The following WFDC10B variants were observed in gnomAD, a reference collection of about 807,000 sequenced individuals.
WFDC10B encodes protein WFDC10B.
Under a neutral mutation model 2.7 loss-of-function variants are expected in WFDC10B, and 1 was observed. That is an observed-to-expected ratio of 0.38 (90% CI 0.13 to 1.79). The LOEUF (loss-of-function observed/expected upper bound fraction) is 1.79, where lower values mean the gene tolerates loss of function less well. Among genes scored for constraint, WFDC10B ranks in the 40% most tolerant of loss-of-function variants. The pLI is 0.33. For missense variants in WFDC10B, 71 were observed against 87.8 expected (o/e 0.81, Z 0.76); for synonymous variants, 26 against 32.2 (o/e 0.81, Z 0.65).
rs367643481 is a variant in WFDC10B at position 45,704,509 on chromosome 20, C to A, written c.-77G>T. On this transcript the variant is annotated 5_prime_UTR_variant, in exon 2 of 4. Coordinates refer to ENST00000330523, the MANE Select transcript of WFDC10B (RefSeq NM_172006.2). Reference sequence around the variant, plus strand: ...AAACTGTACTCACCTGTGTACAATGCAGGAAGATTGCGAGAAAGGATTTCA... The same window carrying A: ...AAACTGTACTCACCTGTGTACAATGAAGGAAGATTGCGAGAAAGGATTTCA... 1 of 1,614,170 alleles carries A rather than the reference C, an allele frequency of 6.2e-7. No homozygotes were observed. The highest frequency in any genetic ancestry group is 8.5e-7 in the Non-Finnish European group (1 of 1,180,030).
Position 45,687,860 on chromosome 20 carries a change from T to TTTATTATTATTATTA in WFDC10B, c.-64-1819_-64-1805dup, listed in dbSNP as rs149834246. ...TTTAATGGGATTGCTTGTCTTTTCT[T>TTTATTATTATTATTA]TTATTATTATTATTATTATTATTAT... On this transcript the variant is annotated intron_variant, in intron 2 of 3. Transcript: ENST00000330523. 8.4e-3 allele frequency among the ~76,000 whole-genome samples: 1,227 copies of TTTATTATTATTATTA among 145,308 alleles called. 13 individuals are homozygous for TTTATTATTATTATTA. Among genetic ancestry groups the TTTATTATTATTATTA allele is most frequent in the African/African-American group, 0.027 (1,059 of 39,196 alleles).
chr20:45,703,252 G>C (rs775644251), intron 2 of WFDC10B, among the ~76,000 whole-genome samples: 1 of 152,178 alleles, frequency 6.6e-6, no homozygotes, highest in African/African-American at 2.4e-5. Flanking sequence ...GTGTGGATTA[G>C]TTCCAATTTC....
chr20:45,693,782 G>C (rs1460984424), intron 2 of WFDC10B, among the ~76,000 whole-genome samples: 2 of 152,280 alleles, frequency 1.3e-5, no homozygotes, highest in East Asian at 1.9e-4. Context: ...TGCGCTTCCC[G>C]AGTGAGGCAA....
chr20:45,692,261 C>T (rs561326604), intron 2 of WFDC10B, among the ~76,000 whole-genome samples: 1 of 151,926 alleles, frequency 6.6e-6, no homozygotes, highest in African/African-American at 2.4e-5. Context: ...CTCTGGCTGC[C>T]CTTAACATTT....
At chr20:45,697,742 CTTTTTTT>C (rs1162470530) in intron 2 of WFDC10B, among the ~76,000 whole-genome samples, 6 of 113,406 alleles carry the variant, frequency 5.3e-5, no homozygotes, top group Admixed American at 4.5e-4. Flanking sequence ...ATTTCTTTTT[CTTTTTTT>C]TTTTTTTTTT....
chr20:45,697,441 G>A (rs1984012225), intron 2 of WFDC10B, among the ~76,000 whole-genome samples: 1 of 144,652 alleles, frequency 6.9e-6, no homozygotes, highest in Non-Finnish European at 1.5e-5. Context: ...CTGGAGTGCA[G>A]TGGCATGATC....
intron 2 of WFDC10B, among the ~76,000 whole-genome samples, chr20:45,686,669 T>C (rs1407532865): frequency 6.6e-6 from 1 of 151,258 alleles, no homozygotes; most frequent in Non-Finnish European, 1.5e-5. Context: ...TATAAATTCT[T>C]CTTTTTTTTT....
At chr20:45,696,647 C>G (rs1337044917) in intron 2 of WFDC10B, among the ~76,000 whole-genome samples, 1 of 151,974 alleles carries the variant, frequency 6.6e-6, no homozygotes, top group Non-Finnish European at 1.5e-5. Context: ...ATTAGATAAC[C>G]TTGGATGAAA....
At chr20:45,685,787 G>T (rs2145633367) in intron 3 of WFDC10B, 115 bp downstream of exon 3, 1 of 1,484,768 alleles carries the variant, frequency 6.7e-7, no homozygotes, top group Admixed American at 2.0e-5. Context: ...CAGCATTGTG[G>T]TCAGAGCTGG....
At chr20:45,704,267 C>T (rs1042090449) in intron 2 of WFDC10B, among the ~76,000 whole-genome samples, 1 of 152,202 alleles carries the variant, frequency 6.6e-6, no homozygotes. Flanking sequence ...GCCCTGCTTC[C>T]CTGCTCAGAA....
At position 45,686,540 on chromosome 20, in the gene WFDC10B, G is replaced by T. The variant is rs6017647; in HGVS notation, c.-64-484C>A. On this transcript the variant is annotated intron_variant, in intron 2 of 3. Transcript: ENST00000330523. ...CAAAAAGAAAAGACATAATTTTTTT[G>T]GGGGGGGGCGGTGAACGTAGCTACA... Among the ~76,000 whole-genome samples, 803 of 81,936 alleles carry T rather than the reference G, an allele frequency of 9.8e-3. 7 individuals carry two copies. Among genetic ancestry groups the T allele is most frequent in the African/African-American group, 0.036 (600 of 16,676 alleles). The allele number at this position is 81,936 out of a possible 152,430, so 53.8% of individuals were successfully genotyped here.
chr20:45,696,770 C>G (rs1983991504), intron 2 of WFDC10B, among the ~76,000 whole-genome samples: 1 of 152,032 alleles, frequency 6.6e-6, no homozygotes, highest in Non-Finnish European at 1.5e-5. Context: ...TTGAAAAATA[C>G]ACATGACTCT....
chr20:45,695,786 G>A (rs1983957976), intron 2 of WFDC10B, among the ~76,000 whole-genome samples: 1 of 151,412 alleles, frequency 6.6e-6, no homozygotes, highest in South Asian at 2.1e-4. Context: ...AGGAATTCAA[G>A]ACCAGCCTGG....
intron 2 of WFDC10B, among the ~76,000 whole-genome samples, chr20:45,690,550 C>A (rs1398140969): frequency 1.3e-5 from 2 of 151,692 alleles, no homozygotes; most frequent in African/African-American, 4.8e-5. Context: ...GATTCAACTT[C>A]TTCCTGGTTT....
At chr20:45,702,187 G>A in intron 2 of WFDC10B, 1 of 1,613,036 alleles carries the variant, frequency 6.2e-7, no homozygotes, top group Non-Finnish European at 8.5e-7. Context: ...GCTGGTGCCT[G>A]GGAGTCCCAA....
At chr20:45,685,736 G>A (rs546569837) in intron 3 of WFDC10B, among the ~76,000 whole-genome samples, 166 bp downstream of exon 3, 270 of 152,346 alleles carry the variant, frequency 1.8e-3, no homozygotes, top group Middle Eastern at 0.014. Flanking sequence ...GCCAGGTAAA[G>A]GGGTTGGAGG....
chr20:45,691,895 A>G (rs542993866), intron 2 of WFDC10B, among the ~76,000 whole-genome samples: 2 of 152,192 alleles, frequency 1.3e-5, no homozygotes, highest in East Asian at 3.9e-4. Context: ...TTAGCTGGTT[A>G]TTTTGCTTGT....
At chr20:45,699,771 C>T (rs750567811) in intron 2 of WFDC10B, among the ~76,000 whole-genome samples, 24 of 152,148 alleles carry the variant, frequency 1.6e-4, no homozygotes, top group Non-Finnish European at 3.1e-4. Context: ...CTCTGCCTCC[C>T]GGGTTCAAGC....
intron 2 of WFDC10B, among the ~76,000 whole-genome samples, chr20:45,696,285 CAAAA>C (rs368423161): frequency 2.1e-5 from 1 of 48,188 alleles, no homozygotes; most frequent in Non-Finnish European, 4.3e-5. Flanking sequence ...GACTCCGTCT[CAAAA>C]AAAAAAAAAA....
Sources: allele counts gnomAD v4.1 joint callset (sites outside exome capture counted in the v4.1 genomes callset), GRCh38; gene constraint gnomAD v4.1.1; transcripts MANE v1.5; gene names NCBI Gene and HGNC (gene_info 2026-07-23, HGNC 2026-07-21).